NMNAT2: variants seen among roughly 807,000 people sequenced by gnomAD.
NMNAT2 encodes nicotinamide/nicotinic acid mononucleotide adenylyltransferase 2.
A neutral mutation model predicts 41.6 loss-of-function variants in NMNAT2; 11 were observed. The observed-to-expected ratio is 0.26, with a 90% CI of 0.17 to 0.44. The LOEUF is 0.44. Ranked by LOEUF, NMNAT2 falls within the 20% of genes least tolerant of loss-of-function variation. NMNAT2 has a pLI of 1.00. For missense variants in NMNAT2, 288 were observed against 407.7 expected, an observed-to-expected ratio of 0.71 and a Z score of 2.53; for synonymous variants, 148 against 151.2, an observed-to-expected ratio of 0.98 and a Z score of 0.16.
chr1:183,410,978 A>G (rs763111629), intron 1 of NMNAT2, among the ~76,000 whole-genome samples: 1 of 152,058 alleles, frequency 6.6e-6, no homozygotes, highest in Non-Finnish European at 1.5e-5. Flanking sequence ...TTGGCCTCCC[A>G]AAGTGCTGGG....
chr1:183,339,129 G>T (rs1402953344), intron 1 of NMNAT2, among the ~76,000 whole-genome samples: 2 of 151,872 alleles, frequency 1.3e-5, no homozygotes, highest in Non-Finnish European at 2.9e-5. Context: ...ATGGAGTCTC[G>T]CTCTGTCGCC....
At chr1:183,275,787 C>T (rs1256704566) in intron 8 of NMNAT2, among the ~76,000 whole-genome samples, 1 of 152,162 alleles carries the variant, frequency 6.6e-6, no homozygotes, top group Non-Finnish European at 1.5e-5. Flanking sequence ...ATTCTCCTGC[C>T]TCAGCCTCCC....
chr1:183,270,119 C>T (rs1321642493), intron 8 of NMNAT2, among the ~76,000 whole-genome samples: 1 of 152,168 alleles, frequency 6.6e-6, no homozygotes, highest in Non-Finnish European at 1.5e-5. Context: ...CTCCTGACCT[C>T]GTGATCCACC....
chr1:183,365,793 C>T (rs563908238), intron 1 of NMNAT2, among the ~76,000 whole-genome samples: 152 of 152,050 alleles, frequency 1.0e-3, no homozygotes, highest in African/African-American at 3.6e-3. Flanking sequence ...ATGTCTGAGA[C>T]ACGGTGTTGT....
intron 1 of NMNAT2, among the ~76,000 whole-genome samples, chr1:183,312,578 A>C (rs1168273373): frequency 1.3e-5 from 2 of 152,200 alleles, no homozygotes; most frequent in Non-Finnish European, 2.9e-5. Flanking sequence ...CTAAAAAAAA[A>C]AAAGACATAT....
At chr1:183,385,686 C>T (rs1648222852) in intron 1 of NMNAT2, among the ~76,000 whole-genome samples, 1 of 152,014 alleles carries the variant, frequency 6.6e-6, no homozygotes, top group African/African-American at 2.4e-5. Flanking sequence ...GAGATTTGGC[C>T]ACCCATACAT....
At chr1:183,376,101 G>T (rs1229702669) in intron 1 of NMNAT2, among the ~76,000 whole-genome samples, 1 of 152,154 alleles carries the variant, frequency 6.6e-6, no homozygotes, top group Admixed American at 6.6e-5. Flanking sequence ...TGCTGAAGAG[G>T]TCATGATATC....
intron 1 of NMNAT2, among the ~76,000 whole-genome samples, chr1:183,353,836 TG>T (rs1232299448): frequency 1.3e-5 from 2 of 152,088 alleles, no homozygotes; most frequent in Non-Finnish European, 2.9e-5. Flanking sequence ...TCCCTGATTG[TG>T]GCTCATGACC....
chr1:183,356,148 C>T (rs1325059285), intron 1 of NMNAT2, among the ~76,000 whole-genome samples: 1 of 152,202 alleles, frequency 6.6e-6, no homozygotes. Context: ...AGGACAACGC[C>T]AGGAAGTGAG....
At chr1:183,377,682 C>T (rs1379087252) in intron 1 of NMNAT2, among the ~76,000 whole-genome samples, 9 of 152,102 alleles carry the variant, frequency 5.9e-5, no homozygotes, top group Non-Finnish European at 1.2e-4. Context: ...TATCTACTGT[C>T]CTATACAACA....
intron 1 of NMNAT2, among the ~76,000 whole-genome samples, chr1:183,307,276 C>T (rs1364480207): frequency 1.1e-4 from 17 of 151,410 alleles, no homozygotes; most frequent in Admixed American, 9.9e-4. Flanking sequence ...GGTATCTTCT[C>T]TCCTCTTTAA....
intron 1 of NMNAT2, among the ~76,000 whole-genome samples, chr1:183,414,335 C>T (rs549186724): frequency 2.0e-5 from 3 of 152,336 alleles, no homozygotes; most frequent in African/African-American, 7.2e-5. Context: ...CCCAATTCCT[C>T]TGTTTTTGTT....
rs79021499 is a variant in NMNAT2, at chr1:183,394,791, G to C, written c.85+23392C>G. On this transcript the variant is annotated intron_variant, in intron 1 of 10. Transcript: ENST00000287713. ...GTCCTCTGCCCAGCAGGAACAGGCA[G>C]ATGTCTTCGCAAGTCACTCCATTCT... Among the ~76,000 whole-genome samples the C allele has an allele frequency of 9.3e-3, 1,411 of 152,342 alleles. 7 individuals carry two copies. The highest frequency in any genetic ancestry group is 0.014 in the Non-Finnish European group (983 of 68,030).
intron 1 of NMNAT2, among the ~76,000 whole-genome samples, chr1:183,379,582 T>C (rs1042083718): frequency 6.6e-6 from 1 of 152,212 alleles, no homozygotes; most frequent in Non-Finnish European, 1.5e-5. Flanking sequence ...GGAATAGTTA[T>C]ATTAATTTCA....
At chr1:183,326,939 G>T (rs766536749) in intron 1 of NMNAT2, among the ~76,000 whole-genome samples, 20 of 152,098 alleles carry the variant, frequency 1.3e-4, no homozygotes, top group Non-Finnish European at 2.5e-4. Context: ...TAATGAATAG[G>T]ATTAATCTCC....
intron 1 of NMNAT2, among the ~76,000 whole-genome samples, chr1:183,367,722 T>C (rs1663445940): frequency 6.6e-6 from 1 of 152,224 alleles, no homozygotes; most frequent in Admixed American, 6.5e-5. Flanking sequence ...AATTTACTAA[T>C]CTATAAATTA....
At chr1:183,349,705 A>G (rs1430768727) in intron 1 of NMNAT2, among the ~76,000 whole-genome samples, 5 of 152,214 alleles carry the variant, frequency 3.3e-5, no homozygotes. Flanking sequence ...GTAAAAGCCA[A>G]AGGAGAGATT....
At chr1:183,306,121 G>T (rs1661988477) in intron 1 of NMNAT2, among the ~76,000 whole-genome samples, 1 of 152,010 alleles carries the variant, frequency 6.6e-6, no homozygotes, top group Non-Finnish European at 1.5e-5. Context: ...CAGCTGTCCA[G>T]GTTTGCAGGG....
At position 183,392,413 on chromosome 1, in the gene NMNAT2, G is replaced by A. The variant is rs117706000; in HGVS notation, c.85+25770C>T. Among the ~76,000 whole-genome samples the A allele has an allele frequency of 4.1e-3, 619 of 152,180 alleles. 3 individuals are homozygous for A. Among genetic ancestry groups the A allele is most frequent in the East Asian group, 0.019 (99 of 5,186 alleles). ...CCATCACCTCTCCTATAGATTACAC[G>A]CAGTAACTTCCTAACTAGTTCCCCT... On this transcript the variant is annotated intron_variant, in intron 1 of 10. Transcript: ENST00000287713.
Sources: allele counts gnomAD v4.1 joint callset (sites outside exome capture counted in the v4.1 genomes callset), GRCh38; gene constraint gnomAD v4.1.1; transcripts MANE v1.5; gene names NCBI Gene and HGNC (gene_info 2026-07-23, HGNC 2026-07-21).